The following ESR1 variants were observed in gnomAD, a reference collection of about 807,000 sequenced individuals.
The protein encoded by ESR1 is estrogen receptor 1, also known as estrogen receptor.
In ESR1, 12 loss-of-function variants were observed where a neutral mutation model predicts 52.7. The observed-to-expected ratio is 0.23, with a 90% CI of 0.15 to 0.37. ESR1 has a LOEUF of 0.37. ESR1 is among the 10% of genes least tolerant of loss of function. The probability of loss-of-function intolerance (pLI) is 1.00; values close to 1 mark genes in which losing one functional copy is unlikely to be tolerated. For synonymous variants in ESR1, 305 were observed against 316.8 expected (o/e 0.96, Z 0.39); for missense variants, 584 against 779.7 (o/e 0.75, Z 2.99).
chr6:151,683,425 T>C (rs990488545), intron 1 of ESR1, among the ~76,000 whole-genome samples: 1 of 150,496 alleles, frequency 6.6e-6, no homozygotes, highest in Non-Finnish European at 1.5e-5. Flanking sequence ...CAGGACTTCC[T>C]GCCCCCTCAA....
At chr6:151,868,350 A>T (rs1006865223) in intron 2 of ESR1, among the ~76,000 whole-genome samples, 1 of 151,842 alleles carries the variant, frequency 6.6e-6, no homozygotes, top group African/African-American at 2.4e-5. Flanking sequence ...CTGGTTTTGA[A>T]CTCCTGACCT....
intron 6 of ESR1, among the ~76,000 whole-genome samples, chr6:152,072,920 G>A (rs1052686747): frequency 1.3e-5 from 2 of 152,220 alleles, no homozygotes; most frequent in Admixed American, 6.5e-5. Context: ...TTCAGTGAAA[G>A]CCAAACACTC....
chr6:151,963,252 G>A (rs2037876738), intron 4 of ESR1, among the ~76,000 whole-genome samples: 1 of 152,156 alleles, frequency 6.6e-6, no homozygotes, highest in Non-Finnish European at 1.5e-5. Context: ...TCCGTGCAAT[G>A]TTTTCTCTGG....
rs1273599580 is a variant in ESR1 at position 151,950,126 on chromosome 6, T to C, written c.1096+5618T>C. On this transcript the variant is annotated intron_variant, in intron 4 of 7. Transcript: ENST00000206249. ...GTCTGCCACCATGTGAGATGTGCCT[T>C]CCACCTTCTGCCATGATTGTGAGGC... 2.0e-5 allele frequency among the ~76,000 whole-genome samples: 3 copies of C among 152,324 alleles called. No individual in the cohort carries two copies. The East Asian group carries it at 5.8e-4, about 29-fold the overall frequency.
intron 1 of ESR1, among the ~76,000 whole-genome samples, chr6:151,817,859 G>A (rs1779930380): frequency 6.6e-6 from 1 of 152,120 alleles, no homozygotes; most frequent in South Asian, 2.1e-4. Flanking sequence ...CACCAATTCA[G>A]GCTGTTAGTG....
chr6:151,736,765 T>A (rs1782712390), intron 2 of ESR1, among the ~76,000 whole-genome samples: 1 of 152,100 alleles, frequency 6.6e-6, no homozygotes. Flanking sequence ...ATCCCCACTT[T>A]ACAGATAGGA....
rs143662507 is a variant in ESR1 at position 151,684,898 on chromosome 6, C to T, written n.74-16977C>T. Among the ~76,000 whole-genome samples, 990 of 152,238 alleles carry T rather than the reference C, an allele frequency of 6.5e-3. 1 individual carries two copies. Among genetic ancestry groups the T allele is most frequent in the Middle Eastern group, 0.01 (3 of 294 alleles). ...CTAGGTTTCATTGCAAACGGGAAGC[C>T]TCAAGGCAGGCGCTTTCCACTGCTA... On this transcript the variant is annotated intron_variant and non_coding_transcript_variant, in intron 1 of 2. Coordinates refer to the ESR1 transcript ENST00000473497.
At chr6:151,904,952 C>T (rs907820465) in intron 3 of ESR1, among the ~76,000 whole-genome samples, 14 of 152,020 alleles carry the variant, frequency 9.2e-5, no homozygotes, top group African/African-American at 3.4e-4. Flanking sequence ...AAAGTAGCAA[C>T]AATACTAGGT....
chr6:151,871,822 T>C (rs1029729335), intron 2 of ESR1, among the ~76,000 whole-genome samples: 1 of 152,192 alleles, frequency 6.6e-6, no homozygotes, highest in African/African-American at 2.4e-5. Context: ...TGTAAGTGCA[T>C]CTATGTGATA....
intron 2 of ESR1, among the ~76,000 whole-genome samples, chr6:151,769,546 T>C (rs1785339855): frequency 6.6e-6 from 1 of 152,038 alleles, no homozygotes; most frequent in African/African-American, 2.4e-5. Flanking sequence ...ATTGACAGAG[T>C]TGGTGATTGA....
At chr6:151,795,176 A>T (rs1776568468) in intron 2 of ESR1, among the ~76,000 whole-genome samples, 1 of 152,176 alleles carries the variant, frequency 6.6e-6, no homozygotes. Flanking sequence ...ACTAGGAGGT[A>T]TAATGTTCAA....
At chr6:151,701,521 C>A in intron 1 of ESR1, among the ~76,000 whole-genome samples, 1 of 108,456 alleles carries the variant, frequency 9.2e-6, no homozygotes, top group African/African-American at 4.0e-5. Context: ...AAGAGCGACA[C>A]TACATCTCAA....
chr6:151,936,841 G>C (rs2034424634), intron 3 of ESR1, among the ~76,000 whole-genome samples: 1 of 152,136 alleles, frequency 6.6e-6, no homozygotes, highest in Non-Finnish European at 1.5e-5. Context: ...ATATGTATAA[G>C]GTAGCACATC....
chr6:152,007,982 C>A (rs1392321730), intron 4 of ESR1, among the ~76,000 whole-genome samples: 1 of 152,112 alleles, frequency 6.6e-6, no homozygotes, highest in Non-Finnish European at 1.5e-5. Flanking sequence ...GGAAAATAAA[C>A]CAAGGTCTTG....
At chr6:151,867,414 TACACACACACAC>T (rs34943625) in intron 2 of ESR1, among the ~76,000 whole-genome samples, 8 of 147,560 alleles carry the variant, frequency 5.4e-5, no homozygotes, top group South Asian at 2.2e-4. Flanking sequence ...TCAACAAATT[TACACACACACAC>T]ACACACACAC....
intron 2 of ESR1, among the ~76,000 whole-genome samples, chr6:151,770,565 A>G (rs1785427738): frequency 6.6e-6 from 1 of 152,268 alleles, no homozygotes; most frequent in East Asian, 1.9e-4. Flanking sequence ...TGGTTAAACT[A>G]TGAAGAAGAA....
intron 3 of ESR1, among the ~76,000 whole-genome samples, chr6:151,901,312 T>G (rs187740772): frequency 1.0e-3 from 156 of 152,292 alleles, no homozygotes; most frequent in African/African-American, 3.5e-3. Context: ...GCATCAAGTT[T>G]GTTTGCAGGC....
At chr6:151,851,010 G>C (rs1257227328) in intron 2 of ESR1, among the ~76,000 whole-genome samples, 4 of 152,128 alleles carry the variant, frequency 2.6e-5, no homozygotes, top group African/African-American at 9.7e-5. Context: ...CACTGATCAT[G>C]TCAATACGCA....
intron 6 of ESR1, among the ~76,000 whole-genome samples, chr6:152,077,614 A>G (rs2048850062): frequency 6.6e-6 from 1 of 152,242 alleles, no homozygotes; most frequent in Admixed American, 6.5e-5. Flanking sequence ...GCTATACCCT[A>G]TAAAGCCACA....
Sources: allele counts gnomAD v4.1 joint callset (sites outside exome capture counted in the v4.1 genomes callset), GRCh38; gene constraint gnomAD v4.1.1; transcripts MANE v1.5; gene names NCBI Gene and HGNC (gene_info 2026-07-23, HGNC 2026-07-21).